The following LRMDA variants were observed in gnomAD, a reference collection of about 807,000 sequenced individuals.
The protein encoded by LRMDA is leucine rich melanocyte differentiation associated.
Under a neutral mutation model 29.8 loss-of-function variants are expected in LRMDA, and 18 were observed. That is an observed-to-expected ratio of 0.60 (90% confidence interval 0.42 to 0.90). The LOEUF (loss-of-function observed/expected upper bound fraction) is 0.90. Among genes scored for constraint, LRMDA ranks in the 40% least tolerant of loss-of-function variants. The pLI is 0.00. For synonymous variants in LRMDA, 125 were observed against 109.4 expected (o/e 1.14, Z -0.89); for missense variants, 273 against 273.9 (o/e 1.00, Z 0.02).
chr10:76,396,228 G>A (rs1841782162), intron 6 of LRMDA, among the ~76,000 whole-genome samples: 1 of 152,182 alleles, frequency 6.6e-6, no homozygotes, highest in South Asian at 2.1e-4. Flanking sequence ...GGCAGTGGGG[G>A]ACAGAAGAAA....
intron 6 of LRMDA, among the ~76,000 whole-genome samples, chr10:76,478,090 G>T (rs1037229514): frequency 6.6e-6 from 1 of 152,008 alleles, no homozygotes; most frequent in Non-Finnish European, 1.5e-5. Flanking sequence ...CACAGCAAAA[G>T]AAACTACCAT....
intron 2 of LRMDA, among the ~76,000 whole-genome samples, chr10:75,496,866 G>T (rs1845050161): frequency 6.6e-6 from 1 of 151,940 alleles, no homozygotes; most frequent in African/African-American, 2.4e-5. Context: ...ATATACATGA[G>T]GGGTCTATAC....
chr10:76,309,570 C>T (rs995354804), intron 5 of LRMDA, among the ~76,000 whole-genome samples: 1 of 152,068 alleles, frequency 6.6e-6, no homozygotes, highest in Non-Finnish European at 1.5e-5. Flanking sequence ...GGGCAAGGAG[C>T]GCTGATCTTG....
chr10:75,939,481 C>T (rs1263212206), intron 2 of LRMDA, among the ~76,000 whole-genome samples: 1 of 152,088 alleles, frequency 6.6e-6, no homozygotes, highest in African/African-American at 2.4e-5. Context: ...GGCTGGCTTC[C>T]TGTTCATTTT....
chr10:76,397,532 G>T (rs1462340250), intron 6 of LRMDA, among the ~76,000 whole-genome samples: 1 of 152,204 alleles, frequency 6.6e-6, no homozygotes, highest in South Asian at 2.1e-4. Context: ...GGACATAAAA[G>T]TCTCCCTTCC....
At chr10:76,319,523 G>A (rs1217893023) in intron 5 of LRMDA, among the ~76,000 whole-genome samples, 3 of 152,072 alleles carry the variant, frequency 2.0e-5, no homozygotes, top group Non-Finnish European at 4.4e-5. Flanking sequence ...ATTAATCATA[G>A]TATGTTTTTT....
chr10:76,134,570 T>A (rs1589342870), intron 5 of LRMDA, among the ~76,000 whole-genome samples: 1 of 152,346 alleles, frequency 6.6e-6, no homozygotes, highest in East Asian at 1.9e-4. Flanking sequence ...AGCTATTTTA[T>A]TATGAGCTGA....
At chr10:76,276,006 A>AATCTATGT (rs897520832) in intron 5 of LRMDA, among the ~76,000 whole-genome samples, 1 of 146,724 alleles carries the variant, frequency 6.8e-6, no homozygotes, top group East Asian at 2.1e-4. Context: ...CAATCTAGTG[A>AATCTATGT]ATCTATCTAT....
At chr10:75,522,000 G>C (rs1249652558) in intron 2 of LRMDA, among the ~76,000 whole-genome samples, 1 of 152,172 alleles carries the variant, frequency 6.6e-6, no homozygotes, top group African/African-American at 2.4e-5. Context: ...CTTATTCTTT[G>C]ATCTGTTCAC....
chr10:76,281,332 G>T (rs912800997), intron 5 of LRMDA, among the ~76,000 whole-genome samples: 1 of 152,144 alleles, frequency 6.6e-6, no homozygotes, highest in African/African-American at 2.4e-5. Flanking sequence ...AGTCTAGCTT[G>T]GTCATTTGGC....
chr10:76,277,541 T>C (rs1840150554), intron 5 of LRMDA, among the ~76,000 whole-genome samples: 1 of 152,336 alleles, frequency 6.6e-6, no homozygotes, highest in South Asian at 2.1e-4. Flanking sequence ...GCTGTTCCTT[T>C]AGTTGTTGGG....
At chr10:76,394,325 G>A (rs553390475) in intron 6 of LRMDA, among the ~76,000 whole-genome samples, 1 of 152,228 alleles carries the variant, frequency 6.6e-6, no homozygotes, top group South Asian at 2.1e-4. Context: ...GTACGTGGGA[G>A]GTAAGAGTCC....
intron 5 of LRMDA, among the ~76,000 whole-genome samples, chr10:76,097,009 T>G (rs1250718541): frequency 1.3e-5 from 2 of 151,828 alleles, no homozygotes; most frequent in East Asian, 3.9e-4. Flanking sequence ...TATTTTATTT[T>G]ATTTTATTTT....
At chr10:75,822,246 G>T (rs929944918) in intron 2 of LRMDA, among the ~76,000 whole-genome samples, 1 of 152,042 alleles carries the variant, frequency 6.6e-6, no homozygotes, top group Non-Finnish European at 1.5e-5. Context: ...ACTGAAGAAT[G>T]CATCTAATCA....
At chr10:76,088,045 G>A (rs547950699) in intron 5 of LRMDA, among the ~76,000 whole-genome samples, 5 of 152,228 alleles carry the variant, frequency 3.3e-5, no homozygotes, top group East Asian at 3.9e-4. Flanking sequence ...ACTTGAACCC[G>A]GGAGGTTGAG....
chr10:75,540,701 A>G (rs1422425819), intron 2 of LRMDA, among the ~76,000 whole-genome samples: 1 of 152,202 alleles, frequency 6.6e-6, no homozygotes, highest in African/African-American at 2.4e-5. Flanking sequence ...ACTTTCTTGC[A>G]GTGCTTATCC....
At chr10:76,425,457 C>A (rs997253424) in intron 6 of LRMDA, among the ~76,000 whole-genome samples, 1 of 151,706 alleles carries the variant, frequency 6.6e-6, no homozygotes, top group Non-Finnish European at 1.5e-5. Context: ...TTAACCTCTG[C>A]GTCTCAATTT....
chr10:76,416,016 C>G (rs1310083274), intron 6 of LRMDA, among the ~76,000 whole-genome samples: 1 of 152,200 alleles, frequency 6.6e-6, no homozygotes, highest in Non-Finnish European at 1.5e-5. Flanking sequence ...CCGCTATTCA[C>G]TGCATCATGT....
intron 6 of LRMDA, among the ~76,000 whole-genome samples, chr10:76,464,575 C>T (rs762557439): frequency 2.0e-5 from 3 of 152,212 alleles, no homozygotes; most frequent in African/African-American, 4.8e-5. Flanking sequence ...CCAGCTGTTA[C>T]TTCCTCTCTT....
Sources: allele counts gnomAD v4.1 joint callset (sites outside exome capture counted in the v4.1 genomes callset), GRCh38; gene constraint gnomAD v4.1.1; transcripts MANE v1.5; gene names NCBI Gene and HGNC (gene_info 2026-07-23, HGNC 2026-07-21).